Variants in FAM13B observed in about 807,000 individuals in gnomAD.
The protein encoded by FAM13B is protein FAM13B.
Under a neutral mutation model 117.3 loss-of-function variants are expected in FAM13B, and 60 were observed. That is an observed-to-expected ratio of 0.51 (90% CI 0.42 to 0.63). The LOEUF (loss-of-function observed/expected upper bound fraction) is 0.63. Ranked by LOEUF, FAM13B falls within the 30% of genes least tolerant of loss-of-function variation. FAM13B has a pLI of 0.00. For synonymous variants in FAM13B, 332 were observed against 356.1 expected (o/e 0.93, Z 0.76); for missense variants, 972 against 1,091.9 (o/e 0.89, Z 1.55).
chr5:137,941,888 G>A (rs549025350), intron 23 of FAM13B, 56 bp downstream of exon 23: 4 of 1,354,396 alleles, frequency 3.0e-6, no homozygotes, highest in East Asian at 2.3e-5. Flanking sequence ...TTCAACATAT[G>A]GTCAGTTTGT....
intron 10 of FAM13B, among the ~76,000 whole-genome samples, chr5:137,980,256 G>C (rs886538316): frequency 6.6e-6 from 1 of 151,684 alleles, no homozygotes; most frequent in African/African-American, 2.4e-5. Flanking sequence ...ATTGTGTATT[G>C]CCCAACTGAA....
intron 1 of FAM13B, among the ~76,000 whole-genome samples, chr5:138,049,434 C>G (rs1791737340): frequency 6.6e-6 from 1 of 151,936 alleles, no homozygotes; most frequent in African/African-American, 2.4e-5. Context: ...CTACCACGCC[C>G]TACTAATTTT....
chr5:138,007,235 C>A, intron 6 of FAM13B, 88 bp from the exon 7 acceptor site: 1 of 1,016,650 alleles, frequency 9.8e-7, no homozygotes, highest in South Asian at 2.1e-5. Context: ...ATTTTAAACA[C>A]AAACAACTCA....
chr5:138,030,410 CTT>C (rs59704298), intron 1 of FAM13B, among the ~76,000 whole-genome samples: 128 of 135,436 alleles, frequency 9.5e-4, no homozygotes, highest in South Asian at 2.9e-3. Flanking sequence ...CCATGCCTGG[CTT>C]TTTTTTTTTT....
intron 13 of FAM13B, among the ~76,000 whole-genome samples, chr5:137,956,758 G>GGGT (rs1766691974): frequency 1.1e-5 from 1 of 90,766 alleles, no homozygotes; most frequent in Non-Finnish European, 2.4e-5. Flanking sequence ...ATGCAAAAAA[G>GGGT]GGGGGGGAAA....
At chr5:137,969,035 G>T (rs1320415682) in intron 10 of FAM13B, among the ~76,000 whole-genome samples, 4 of 152,180 alleles carry the variant, frequency 2.6e-5, no homozygotes, top group African/African-American at 9.6e-5. Context: ...GCTGGGGGAA[G>T]GGTGCCCGCC....
intron 17 of FAM13B, among the ~76,000 whole-genome samples, chr5:137,950,456 T>G (rs1463354355): frequency 6.6e-6 from 1 of 152,038 alleles, no homozygotes; most frequent in Non-Finnish European, 1.5e-5. Flanking sequence ...GTGCAAGGCC[T>G]TGAAAACCAC....
intron 13 of FAM13B, among the ~76,000 whole-genome samples, chr5:137,957,042 A>G (rs1342802921): frequency 6.6e-6 from 1 of 152,198 alleles, no homozygotes; most frequent in Non-Finnish European, 1.5e-5. Flanking sequence ...CTTGCTAACT[A>G]CTACTGCATT....
chr5:138,024,552 C>A, intron 1 of FAM13B, among the ~76,000 whole-genome samples: 1 of 141,358 alleles, frequency 7.1e-6, no homozygotes, highest in African/African-American at 2.6e-5. Context: ...AAAATGAATG[C>A]AACACCTAAA....
chr5:138,016,875 G>A (rs1785384541), intron 4 of FAM13B, among the ~76,000 whole-genome samples: 1 of 152,072 alleles, frequency 6.6e-6, no homozygotes, highest in African/African-American at 2.4e-5. Context: ...TAAAGAGAAT[G>A]GCTCTAGAGT....
At chr5:137,948,795 A>C (rs1488554807) in intron 18 of FAM13B, among the ~76,000 whole-genome samples, 160 bp downstream of exon 18, 1 of 152,278 alleles carries the variant, frequency 6.6e-6, no homozygotes, top group Middle Eastern at 3.4e-3. Context: ...AGTATTTGGC[A>C]CTTCTGTTAT....
intron 17 of FAM13B, among the ~76,000 whole-genome samples, chr5:137,950,044 A>G (rs1764525156): frequency 6.6e-6 from 1 of 152,234 alleles, no homozygotes; most frequent in African/African-American, 2.4e-5. Flanking sequence ...ATTGAATAAA[A>G]TGCTCTGATG....
intron 10 of FAM13B, among the ~76,000 whole-genome samples, chr5:137,979,099 T>A: frequency 6.7e-6 from 1 of 150,268 alleles, no homozygotes; most frequent in African/African-American, 2.4e-5. Flanking sequence ...TGCAACCTCC[T>A]CCTCCTGGGT....
intron 10 of FAM13B, among the ~76,000 whole-genome samples, chr5:137,976,602 C>A (rs1303802112): frequency 6.6e-6 from 1 of 152,110 alleles, no homozygotes; most frequent in African/African-American, 2.4e-5. Flanking sequence ...GGCAGAAGAA[C>A]GTGGATTGTG....
chr5:138,025,324 T>G lies in FAM13B; in HGVS notation c.-202-4127A>C, dbSNP rs1581287014. On this transcript the variant is annotated intron_variant, in intron 1 of 23. Transcript: ENST00000689681. ...ATATATATATATGTATTTTTTTTTTTTTTTTTTTTGAGTTGAGGTCTCACC... is the reference window on the plus strand; with the variant it reads ...ATATATATATATGTATTTTTTTTTTGTTTTTTTTTGAGTTGAGGTCTCACC... Among the ~76,000 whole-genome samples, 3 of 141,440 alleles carry G rather than the reference T, an allele frequency of 2.1e-5. 1 individual carries two copies. Among genetic ancestry groups the G allele is most frequent in the Admixed American group, 1.4e-4 (2 of 14,314 alleles). The allele number at this position is 141,440 out of a possible 152,430, so 92.8% of individuals were successfully genotyped here.
At chr5:138,047,859 G>C (rs1791687304) in intron 1 of FAM13B, among the ~76,000 whole-genome samples, 1 of 152,206 alleles carries the variant, frequency 6.6e-6, no homozygotes. Context: ...TATTCCTCTA[G>C]GGGCCTGACT....
At chr5:138,010,683 T>C (rs983257606) in intron 6 of FAM13B, among the ~76,000 whole-genome samples, 2 of 152,140 alleles carry the variant, frequency 1.3e-5, no homozygotes, top group African/African-American at 4.8e-5. Flanking sequence ...CTTGCCTATA[T>C]TCCTCTATGC....
At chr5:137,956,059 T>C (rs1766454841) in intron 14 of FAM13B, among the ~76,000 whole-genome samples, 7 of 152,184 alleles carry the variant, frequency 4.6e-5, no homozygotes. Context: ...CCTCACACAA[T>C]AGCTAAGATC....
Position 138,019,006 on chromosome 5 carries a change from T to C in FAM13B, c.106A>G (p.Asn36Asp). The change falls in exon 3 of 24, where the codon AAT becomes GAT. Residue 36 changes from asparagine (N) to aspartate (D), a missense_variant. Coordinates refer to ENST00000689681, the MANE Select transcript of FAM13B (RefSeq NM_001385994.1). ...DELQQGGHPD[N>D]EVPFIVRHVV... Reference sequence around the variant, plus strand: ...TGGCGGACTATGAATGGAACCTCATTGTCTGGATGTCCTCCCTGCTGCAGC... The same window carrying C: ...TGGCGGACTATGAATGGAACCTCATCGTCTGGATGTCCTCCCTGCTGCAGC... 1.9e-6 allele frequency: 3 copies of C among 1,614,152 alleles called. No individual in the cohort carries two copies. The highest frequency in any genetic ancestry group is 2.5e-6 in the Non-Finnish European group (3 of 1,180,004).
Sources: allele counts gnomAD v4.1 joint callset (sites outside exome capture counted in the v4.1 genomes callset), GRCh38; gene constraint gnomAD v4.1.1; transcripts MANE v1.5; gene names NCBI Gene and HGNC (gene_info 2026-07-23, HGNC 2026-07-21).